Variants in SPIN2A observed in about 807,000 individuals in gnomAD.
The protein encoded by SPIN2A is spindlin-2A.
SPIN2A carries 4 observed loss-of-function variants against 9.2 expected under a neutral mutation model. The observed-to-expected ratio is 0.44, with a 90% CI of 0.21 to 1.00. The LOEUF (loss-of-function observed/expected upper bound fraction) is 1.00. SPIN2A is among the 50% of genes least tolerant of loss of function. The pLI is 0.26. For synonymous variants in SPIN2A, 25 were observed against 61.2 expected (o/e 0.41, Z 2.76); for missense variants, 77 against 172.8 (o/e 0.45, Z 3.11).
At position 57,135,887 on chromosome X, in the gene SPIN2A, A is replaced by C; in HGVS notation, c.711T>G (p.Ser237=). ...CATCATCAAACTTGATGAAATACAC[A>C]GAGGGTTTGGTTTCCACTTGGTGAA... ...MVIHQVETKP[S]VYFIKFDDDF... The change falls in exon 2 of 2, where the codon TCT becomes TCG. Residue 237 remains serine (S), a synonymous_variant. Coordinates refer to ENST00000374906, the MANE Select transcript of SPIN2A (RefSeq NM_019003.5). 8.3e-7 allele frequency: 1 copy of C among 1,210,034 alleles called. No homozygotes were observed. Among genetic ancestry groups the C allele is most frequent in the Non-Finnish European group, 1.1e-6 (1 of 893,932 alleles).
At chrX:57,144,923 T>TACACACAC in the SPIN2A span, among the ~76,000 whole-genome samples, 3 of 105,417 alleles carry the variant, frequency 2.8e-5, no homozygotes, top group South Asian at 8.4e-4. Flanking sequence ...TGTGTGTGCA[T>TACACACAC]ACACACACAC....
downstream of SPIN2A, chrX:57,135,622 A>G (rs41308044): frequency 4.5e-5 from 43 of 945,808 alleles, no homozygotes; most frequent in South Asian, 3.7e-4. Context: ...GAACTTTTCA[A>G]CAAGACAAAG....
At chrX:57,145,798 C>A in the SPIN2A span, among the ~76,000 whole-genome samples, 3 of 111,527 alleles carry the variant, frequency 2.7e-5, no homozygotes, top group Non-Finnish European at 5.7e-5. Flanking sequence ...ATGCCAGCAC[C>A]ATTTGTTGAA....
downstream of SPIN2A, chrX:57,134,510 A>G (rs1403265991): frequency 1.8e-5 from 2 of 111,417 alleles, no homozygotes; most frequent in Admixed American, 9.5e-5. Context: ...AAGCATGGAC[A>G]GGCAAGTACT....
intron 1 of SPIN2A, chrX:57,137,017 T>A: frequency 2.4e-6 from 2 of 843,596 alleles, no homozygotes; most frequent in Non-Finnish European, 2.9e-6. Flanking sequence ...CACTTCCCTG[T>A]TACCTACCTC....
At chrX:57,144,338 G>A in the SPIN2A span, among the ~76,000 whole-genome samples, 1 of 95,383 alleles carries the variant, frequency 1.0e-5, no homozygotes, top group African/African-American at 3.9e-5. Flanking sequence ...TCTTGTATTT[G>A]GATATTTATA....
At chrX:57,134,935 T>C (rs1207492782), downstream of SPIN2A, 1 of 112,040 alleles carries the variant, frequency 8.9e-6, no homozygotes, top group African/African-American at 3.2e-5. Context: ...CATGCTCTTC[T>C]AGTGAACCTC....
At chrX:57,144,193 T>C in the SPIN2A span, among the ~76,000 whole-genome samples, 1 of 111,614 alleles carries the variant, frequency 9.0e-6, no homozygotes, top group Non-Finnish European at 1.9e-5. Context: ...GTGTCAGAGG[T>C]CCTTTACATG....
chrX:57,137,790 C>A (rs1306400553), upstream of SPIN2A, among the ~76,000 whole-genome samples: 1 of 111,402 alleles, frequency 9.0e-6, no homozygotes, highest in East Asian at 2.8e-4. Context: ...TGGAAACATA[C>A]AAATTAACAT....
At chrX:57,139,364 A>G (rs1927934267), upstream of SPIN2A, among the ~76,000 whole-genome samples, 1 of 112,322 alleles carries the variant, frequency 8.9e-6, no homozygotes, top group South Asian at 3.7e-4. Flanking sequence ...TAAGTTGACT[A>G]TAAATGCATA....
chrX:57,140,594 G>C (rs56222206), upstream of SPIN2A, among the ~76,000 whole-genome samples: 50 of 66,243 alleles, frequency 7.5e-4, no homozygotes, highest in Non-Finnish European at 1.2e-3. Context: ...GCGAGACCCC[G>C]TCTCAAAAAA....
upstream of SPIN2A, among the ~76,000 whole-genome samples, chrX:57,139,098 C>T (rs560622897): frequency 1.3e-4 from 15 of 112,359 alleles, no homozygotes; most frequent in South Asian, 5.2e-3. Context: ...TTTGCCTGTG[C>T]TTTGAGGTCT....
At chrX:57,138,450 C>T (rs1039195444), upstream of SPIN2A, among the ~76,000 whole-genome samples, 13 of 109,575 alleles carry the variant, frequency 1.2e-4, no homozygotes, top group Non-Finnish European at 2.5e-4. Context: ...CATTTTTTAT[C>T]CATTTATTTA....
chrX:57,145,283 G>T, the SPIN2A span, among the ~76,000 whole-genome samples: 13 of 110,112 alleles, frequency 1.2e-4, no homozygotes, highest in East Asian at 3.4e-3. Context: ...TTACATTGTG[G>T]TTTTGATTAA....
At chrX:57,145,256 G>C in the SPIN2A span, among the ~76,000 whole-genome samples, 2 of 107,939 alleles carry the variant, frequency 1.9e-5, no homozygotes, top group South Asian at 3.9e-4. Flanking sequence ...ATTCTTTTGG[G>C]GGGGGGTAAG....
the SPIN2A span, among the ~76,000 whole-genome samples, chrX:57,145,073 G>A: frequency 9.1e-6 from 1 of 110,375 alleles, no homozygotes; most frequent in East Asian, 2.8e-4. Context: ...TTTTTCTGTG[G>A]GTAGTGGGAT....
rs1927702795 is a variant in SPIN2A, at chrX:57,135,948, G to T, written c.650C>A (p.Thr217Asn). ...DGLIGKHVEY[T>N]KEDGSKRIGM... ...GATCCTTTTGGAGCCATCTTCTTTGGTATATTCCACATGCTTACCTATTAG... is the reference window on the plus strand; with the variant it reads ...GATCCTTTTGGAGCCATCTTCTTTGTTATATTCCACATGCTTACCTATTAG... Residue 217 changes from threonine (T) to asparagine (N), a missense_variant, in exon 2 of 2, where the codon ACC (threonine) becomes AAC (asparagine). Physicochemically the swap from Thr to Asn is moderately conservative, Grantham distance 65. Coordinates refer to ENST00000374906, the MANE Select transcript of SPIN2A (RefSeq NM_019003.5). The T allele has an allele frequency of 1.7e-6, 2 of 1,207,115 alleles. No homozygotes were observed. Among genetic ancestry groups the T allele is most frequent in the Non-Finnish European group, 2.2e-6 (2 of 894,254 alleles).
upstream of SPIN2A, among the ~76,000 whole-genome samples, chrX:57,140,417 C>CAAAAA (rs60570721): frequency 0.016 from 1,054 of 64,736 alleles, 45 homozygotes; most frequent in African/African-American, 0.065. Context: ...CCATCTCTAC[C>CAAAAA]AAAAAAAAAA....
Position 57,137,367 on chromosome X carries a change from T to G in SPIN2A, c.-113A>C, listed in dbSNP as rs1157767210. On this transcript the variant is annotated 5_prime_UTR_variant, in exon 1 of 2. Coordinates refer to ENST00000374906, the MANE Select transcript of SPIN2A (RefSeq NM_019003.5). ...GGGTAGGATCCATAGATGAGGAGCGTGTGTAGGAGCGCGGCGAGACAGGCA... is the reference window on the plus strand; with the variant it reads ...GGGTAGGATCCATAGATGAGGAGCGGGTGTAGGAGCGCGGCGAGACAGGCA... 1.1e-5 allele frequency: 8 copies of G among 753,767 alleles called. No homozygotes were observed. The highest frequency in any genetic ancestry group is 2.3e-5 in the African/African-American group (1 of 43,302). The allele number at this position is 753,767 out of a possible 1,213,427, so 62.1% of individuals were successfully genotyped here. A position where few individuals can be genotyped will look rare whatever the true frequency, so the allele number is the denominator to read the frequency against.
Sources: gnomAD v4.1 joint callset for allele counts (sites outside exome capture counted in the v4.1 genomes callset) on GRCh38, gnomAD v4.1.1 for gene constraint, MANE v1.5 for transcripts, NCBI Gene and HGNC (gene_info 2026-07-23, HGNC 2026-07-21) for gene names.